Variants in AGAP1 observed in about 807,000 individuals in gnomAD.
The protein encoded by AGAP1 is arf-GAP with GTPase, ANK repeat and PH domain-containing protein 1.
In AGAP1, 29 loss-of-function variants were observed where a neutral mutation model predicts 105.3. The ratio of observed to expected loss-of-function variants is 0.28; its 90% confidence interval spans 0.21 to 0.38. AGAP1 has a LOEUF of 0.38. AGAP1 is among the 10% of genes least tolerant of loss of function. AGAP1 has a pLI of 1.00. For missense variants in AGAP1, 998 were observed against 1,165.1 expected (o/e 0.86, Z 2.09); for synonymous variants, 509 against 485.9 (o/e 1.05, Z -0.63).
rs940750425 is a variant in AGAP1 at position 235,753,284 on chromosome 2, C to T, written c.673+2796C>T. Among the ~76,000 whole-genome samples, 1 of 152,150 alleles carries T rather than the reference C, an allele frequency of 6.6e-6. No individual in the cohort carries two copies. Among genetic ancestry groups the T allele is most frequent in the Non-Finnish European group, 1.5e-5 (1 of 68,022 alleles). On this transcript the variant is annotated intron_variant, in intron 6 of 17. Transcript: ENST00000304032. This position sits in a 1 kb window ranked among gnomAD's most constrained non-coding sequence, Gnocchi z 4.5. The stretch of plus-strand genomic sequence containing the variant: ...ATTAGTTTAAAATATTCAGAAAAAG[C>T]GTTTCCGTTACTGTGACAGCTCATG...
intron 16 of AGAP1, among the ~76,000 whole-genome samples, chr2:236,091,281 C>T (rs1052544769): frequency 6.6e-6 from 1 of 152,220 alleles, no homozygotes; most frequent in Non-Finnish European, 1.5e-5. Context: ...CCCTCTGACA[C>T]AGGGTATTTC....
At position 235,713,340 on chromosome 2, in the gene AGAP1, G is replaced by A. The variant is rs1478106459; in HGVS notation, c.222+4103G>A. Among the ~76,000 whole-genome samples the A allele has an allele frequency of 2.0e-5, 3 of 152,202 alleles. No individual in the cohort carries two copies. The East Asian group carries it at 5.8e-4, about 29-fold the overall frequency. ...CCAGGGTAAAAAAAGATGTACGTCG[G>A]ATTAGGAGGGGAAACAGCTTTATTT... On this transcript the variant is annotated intron_variant, in intron 2 of 17. Transcript: ENST00000304032.
Position 236,073,105 on chromosome 2 carries a change from C to T in AGAP1, c.2114+23824C>T, listed in dbSNP as rs1010019371. Among the ~76,000 whole-genome samples, 1 of 152,042 alleles carries T rather than the reference C, an allele frequency of 6.6e-6. No individual in the cohort carries two copies. The highest frequency in any genetic ancestry group is 6.6e-5 in the Admixed American group (1 of 15,260). On this transcript the variant is annotated intron_variant, in intron 16 of 17. Coordinates refer to ENST00000304032, the MANE Select transcript of AGAP1 (RefSeq NM_001037131.3). The surrounding 1 kb of genome is among the most constrained non-coding windows in gnomAD (Gnocchi z 5.4). ...CCGCCTCCCAGATTCGAGCGATTCT[C>T]CTGCCTTGGTCCCCCGAGTAGCTGG...
chr2:235,828,717 T>C (rs1405942407), intron 9 of AGAP1, among the ~76,000 whole-genome samples: 1 of 152,170 alleles, frequency 6.6e-6, no homozygotes, highest in Admixed American at 6.5e-5. Context: ...CACCCAGCCT[T>C]TTCAAAGTCC....
intron 1 of AGAP1, among the ~76,000 whole-genome samples, chr2:235,572,704 G>A (rs2149166169): frequency 6.6e-6 from 1 of 152,322 alleles, no homozygotes; most frequent in South Asian, 2.1e-4. Context: ...CCCTCCATTT[G>A]GAATGCCACA....
intron 1 of AGAP1, among the ~76,000 whole-genome samples, chr2:235,632,765 T>C (rs1946869778): frequency 6.6e-6 from 1 of 152,198 alleles, no homozygotes; most frequent in Admixed American, 6.5e-5. Flanking sequence ...TCAAGAGACT[T>C]GATAGCCGGC....
chr2:235,602,732 C>T (rs760994624), intron 1 of AGAP1, among the ~76,000 whole-genome samples: 20 of 152,090 alleles, frequency 1.3e-4, no homozygotes, highest in East Asian at 5.8e-4. Context: ...GAAGGAATCT[C>T]GCTGTGTCAC....
In AGAP1 at chr2:235,787,602, A is replaced by G. The variant is rs987005185; in HGVS notation, c.674-10157A>G. ...TTGTCTGGATTTCACAATCTCCCAC[A>G]TCTAGCAAATTGCCTGGCATATACT... On this transcript the variant is annotated intron_variant, in intron 6 of 17. Transcript: ENST00000304032. The surrounding 1 kb of genome is among the most constrained non-coding windows in gnomAD (Gnocchi z 4.4). 6.6e-6 allele frequency among the ~76,000 whole-genome samples: 1 copy of G among 152,222 alleles called. No individual in the cohort carries two copies. The highest frequency in any genetic ancestry group is 2.4e-5 in the African/African-American group (1 of 41,474).
chr2:235,857,062 A>G (rs1208800068), intron 9 of AGAP1, among the ~76,000 whole-genome samples: 1 of 152,142 alleles, frequency 6.6e-6, no homozygotes, highest in Non-Finnish European at 1.5e-5. Flanking sequence ...CTGAGATGCT[A>G]CACTTTAGAG....
intron 6 of AGAP1, among the ~76,000 whole-genome samples, chr2:235,779,179 A>C (rs1180582081): frequency 6.6e-6 from 1 of 152,200 alleles, no homozygotes; most frequent in Non-Finnish European, 1.5e-5. Context: ...CAGTAACTTG[A>C]TGAGGAGCAG....
intron 9 of AGAP1, among the ~76,000 whole-genome samples, chr2:235,825,179 A>G (rs1432756170): frequency 6.6e-6 from 1 of 152,238 alleles, no homozygotes; most frequent in East Asian, 1.9e-4. Context: ...GGCTTCCTGG[A>G]TGCAGGCTCC....
intron 13 of AGAP1, among the ~76,000 whole-genome samples, chr2:236,018,674 A>G (rs2056788895): frequency 6.6e-6 from 1 of 152,260 alleles, no homozygotes; most frequent in South Asian, 2.1e-4. Context: ...CCCTGGCAGC[A>G]GAATGAATAC....
At chr2:235,916,428 C>T (rs2051888793) in intron 11 of AGAP1, among the ~76,000 whole-genome samples, 1 of 152,188 alleles carries the variant, frequency 6.6e-6, no homozygotes, top group African/African-American at 2.4e-5. Context: ...GAATGTTTGG[C>T]CAGCCTAGTT....
intron 1 of AGAP1, chr2:235,670,363 C>G (rs753526330): frequency 1.9e-6 from 1 of 533,940 alleles, no homozygotes; most frequent in South Asian, 2.3e-5. Context: ...CCCGGCCGCG[C>G]GCTTGGGATT....
intron 1 of AGAP1, among the ~76,000 whole-genome samples, chr2:235,598,302 A>G (rs963848646): frequency 6.6e-6 from 1 of 152,120 alleles, no homozygotes; most frequent in Non-Finnish European, 1.5e-5. Flanking sequence ...ACCACCCTGA[A>G]CTGGAATAAT....
At position 235,872,029 on chromosome 2, in the gene AGAP1, C is replaced by T. The variant is rs984666751; in HGVS notation, c.1051-11316C>T. Among the ~76,000 whole-genome samples, 4 of 152,148 alleles carry T rather than the reference C, an allele frequency of 2.6e-5. No homozygotes were observed. Among genetic ancestry groups the T allele is most frequent in the East Asian group, 1.9e-4 (1 of 5,198 alleles). On this transcript the variant is annotated intron_variant, in intron 9 of 17. Coordinates refer to ENST00000304032, the MANE Select transcript of AGAP1 (RefSeq NM_001037131.3). The surrounding 1 kb of genome is among the most constrained non-coding windows in gnomAD (Gnocchi z 4.5). ...GTGTCCTTATCCATGAAATGAGAAT[C>T]GTCGTGGATATCAGTTGTGATTGCA...
chr2:235,767,835 A>G (rs1575397575), intron 6 of AGAP1, among the ~76,000 whole-genome samples: 3 of 119,326 alleles, frequency 2.5e-5, no homozygotes, highest in African/African-American at 6.6e-5. Flanking sequence ...CCCGGGCTGG[A>G]GTACAGTGGC....
chr2:236,102,994 C>T (rs13409205), intron 16 of AGAP1, among the ~76,000 whole-genome samples: 1,883 of 150,056 alleles, frequency 0.013, 37 homozygotes, highest in African/African-American at 0.042. Flanking sequence ...CCCTCCCCTC[C>T]GGGGTTTCTG....
intron 1 of AGAP1, among the ~76,000 whole-genome samples, chr2:235,502,250 G>C (rs1044385038): frequency 2.0e-5 from 3 of 152,106 alleles, no homozygotes; most frequent in Non-Finnish European, 4.4e-5. Flanking sequence ...TGGGGCCTGG[G>C]GAGGGAAGGA....
Sources: gnomAD v4.1 joint callset for allele counts (sites outside exome capture counted in the v4.1 genomes callset) on GRCh38, gnomAD v4.1.1 for gene constraint, Gnocchi (gnomAD v3.1) non-coding constraint, MANE v1.5 for transcripts, NCBI Gene and HGNC (gene_info 2026-07-23, HGNC 2026-07-21) for gene names.